Variants in ACTBL2 observed in about 807,000 individuals in gnomAD.
The protein encoded by ACTBL2 is beta-actin-like protein 2.
A neutral mutation model predicts 23.2 loss-of-function variants in ACTBL2; 29 were observed. That is an observed-to-expected ratio of 1.25 (90% CI 0.93 to 1.71). The LOEUF (loss-of-function observed/expected upper bound fraction) is 1.71, where lower values mean the gene tolerates loss of function less well. Ranked by LOEUF, ACTBL2 falls within the 40% of genes most tolerant of loss-of-function variation. ACTBL2 has a pLI of 0.00. For synonymous variants in ACTBL2, 173 were observed against 182.1 expected (o/e 0.95, Z 0.40); for missense variants, 524 against 486.2 (o/e 1.08, Z -0.73).
chr5:57,482,426 C>T lies in ACTBL2; in HGVS notation c.282G>A (p.Glu94=), dbSNP rs1280670271. ...EKIWYHTFYN[E]LRVAPDEHPI... ...GATGCTCATCTGGTGCCACACGGAG[C>T]TCATTGTAGAATGTGTGGTACCAGA... The change falls in exon 1 of 1, where the codon GAG becomes GAA. Residue 94 remains glutamate, a synonymous_variant. Transcript: ENST00000423391. 1 of 1,613,986 alleles carries T rather than the reference C, an allele frequency of 6.2e-7. No homozygotes were observed. The highest frequency in any genetic ancestry group is 8.5e-7 in the Non-Finnish European group (1 of 1,180,032).
At position 57,481,597 on chromosome 5, in the gene ACTBL2, C is replaced by G. The variant is rs562161532; in HGVS notation, c.1111G>C (p.Val371Leu). ...CCCATTCAGAAACATTTTCTGTGAACGATAGGAGGACCAGCCTCATCATAT... is the reference window on the plus strand; with the variant it reads ...CCCATTCAGAAACATTTTCTGTGAAGGATAGGAGGACCAGCCTCATCATAT... ...QEYDEAGPPIVHRKCF is the reference protein window; with the variant it reads ...QEYDEAGPPILHRKCF Residue 371 changes from valine (V) to leucine (L), a missense_variant, in exon 1 of 1, where the codon GTT (valine) becomes CTT (leucine). Transcript: ENST00000423391. 15 of 1,612,408 alleles carry G rather than the reference C, an allele frequency of 9.3e-6. No homozygotes were observed. In the African/African-American group the frequency reaches 1.6e-4, roughly 17 times the overall value.
chr5:57,481,799 C>G lies in ACTBL2; in HGVS notation c.909G>C (p.Gly303=), dbSNP rs913549772. The part of the protein sequence containing the change: ...DLYANTVLSG[G]STMYPGIADR... Reference sequence around the variant, plus strand: ...CAGCAATGCCTGGGTACATGGTGCTCCCTCCAGATAACACGGTGTTGGCAT... The same window carrying G: ...CAGCAATGCCTGGGTACATGGTGCTGCCTCCAGATAACACGGTGTTGGCAT... The change falls in exon 1 of 1, where the codon GGG becomes GGC. Residue 303 remains glycine (G), a synonymous_variant. Coordinates refer to ENST00000423391, the MANE Select transcript of ACTBL2 (RefSeq NM_001017992.4). The G allele has an allele frequency of 5.0e-6, 8 of 1,613,918 alleles. No individual in the cohort carries two copies. Among genetic ancestry groups the G allele is most frequent in the Non-Finnish European group, 6.8e-6 (8 of 1,180,022 alleles).
In ACTBL2 at chr5:57,482,408, A is replaced by G. The variant is rs147178651; in HGVS notation, c.300T>C (p.Asp100=). The part of the protein sequence containing the change: ...TFYNELRVAP[D]EHPILLTEAP... ...CCTCGGTGAGGAGGATGGGATGCTCATCTGGTGCCACACGGAGCTCATTGT... is the reference window on the plus strand; with the variant it reads ...CCTCGGTGAGGAGGATGGGATGCTCGTCTGGTGCCACACGGAGCTCATTGT... The change falls in exon 1 of 1, where the codon GAT becomes GAC. Residue 100 remains aspartate, a synonymous_variant. Transcript: ENST00000423391. The G allele has an allele frequency of 6.8e-6, 11 of 1,614,104 alleles. No homozygotes were observed. The highest frequency in any genetic ancestry group is 1.6e-4 in the Middle Eastern group (1 of 6,062).
In ACTBL2 at chr5:57,481,508, G is replaced by A. The variant is rs1745152397; in HGVS notation, c.*69C>T. 2 of 1,527,984 alleles carry A rather than the reference G, an allele frequency of 1.3e-6. No homozygotes were observed. The highest frequency in any genetic ancestry group is 4.5e-5 in the East Asian group (2 of 44,234). 94.7% of individuals were successfully genotyped at this position (1,527,984 alleles called of 1,614,324 possible). Reference sequence around the variant, plus strand: ...ATTTACCTCGATTCTACTGAAAGCGGATAAAAGCAGTACCATCACTGTGAC... The same window carrying A: ...ATTTACCTCGATTCTACTGAAAGCGAATAAAAGCAGTACCATCACTGTGAC... On this transcript the variant is annotated 3_prime_UTR_variant, in exon 1 of 1. Coordinates refer to ENST00000423391, the MANE Select transcript of ACTBL2 (RefSeq NM_001017992.4).
In ACTBL2 at chr5:57,482,105, G is replaced by A; in HGVS notation, c.603C>T (p.Phe201=). The change falls in exon 1 of 1, where the codon TTC becomes TTT. Residue 201 remains phenylalanine, a synonymous_variant. Transcript: ENST00000423391. Reference sequence around the variant, plus strand: ...CAATCTCCCGCTCAGCAGTGGTGGTGAAGTTATAGCCTCGCTCTGTCAGGA... The same window carrying A: ...CAATCTCCCGCTCAGCAGTGGTGGTAAAGTTATAGCCTCGCTCTGTCAGGA... The part of the protein sequence containing the change: ...MKILTERGYN[F]TTTAEREIVR... The A allele has an allele frequency of 6.2e-7, 1 of 1,614,128 alleles. No homozygotes were observed. Among genetic ancestry groups the A allele is most frequent in the Non-Finnish European group, 8.5e-7 (1 of 1,180,032 alleles).
chr5:57,482,202 C>G lies in ACTBL2; in HGVS notation c.506G>C (p.Gly169Ala). 6.2e-7 allele frequency: 1 copy of G among 1,614,132 alleles called. No homozygotes were observed. The highest frequency in any genetic ancestry group is 8.5e-7 in the Non-Finnish European group (1 of 1,180,034). ...TAGAATGGCATGAGGCAGGGCATAACCTTCATAGATGGGCACGATGTGAGT... is the reference window on the plus strand; with the variant it reads ...TAGAATGGCATGAGGCAGGGCATAAGCTTCATAGATGGGCACGATGTGAGT... ...GVTHIVPIYE[G>A]YALPHAILRL... Residue 169 changes from glycine to alanine, a missense_variant, in exon 1 of 1, where the codon GGT becomes GCT. By Grantham distance (60) the Gly-to-Ala change is moderately conservative. Coordinates refer to ENST00000423391, the MANE Select transcript of ACTBL2 (RefSeq NM_001017992.4).
Position 57,482,379 on chromosome 5 carries a change from G to A in ACTBL2, c.329C>T (p.Pro110Leu). Reference sequence around the variant, plus strand: ...TTCCCGGTTGATCTTGGGGTTCAGGGGTGCCTCGGTGAGGAGGATGGGATG... The same window carrying A: ...TTCCCGGTTGATCTTGGGGTTCAGGAGTGCCTCGGTGAGGAGGATGGGATG... The part of the protein sequence containing the change: ...DEHPILLTEA[P>L]LNPKINREKM... Residue 110 changes from proline (P) to leucine (L), a missense_variant, in exon 1 of 1, where the codon CCC (proline) becomes CTC (leucine). By Grantham distance (98) the Pro-to-Leu change is moderately conservative (BLOSUM62 -3). Coordinates refer to ENST00000423391, the MANE Select transcript of ACTBL2 (RefSeq NM_001017992.4). The A allele has an allele frequency of 1.9e-6, 3 of 1,613,986 alleles. No homozygotes were observed. In the South Asian group the frequency reaches 3.3e-5, roughly 18 times the overall value.
At position 57,480,765 on chromosome 5, in the gene ACTBL2, ATAT is replaced by A. The variant is rs1333600022; in HGVS notation, c.*809_*811del. The stretch of plus-strand genomic sequence containing the variant: ...ATTGTACCATAATGACATTAATTTG[ATAT>A]TATAATATCTATCTCTCTTAAGAAT... On this transcript the variant is annotated 3_prime_UTR_variant, in exon 1 of 1. Transcript: ENST00000423391. 3 of 152,316 alleles carry A rather than the reference ATAT, an allele frequency of 2.0e-5. No individual in the cohort carries two copies. In the East Asian group the frequency reaches 5.8e-4, roughly 29 times the overall value. The allele number at this position is 152,316 out of a possible 1,614,324, so 9.4% of individuals were successfully genotyped here.
rs764018247 is a variant in ACTBL2, at chr5:57,481,620, T to C, written c.1088A>G (p.Tyr363Cys). 6.2e-7 allele frequency: 1 copy of C among 1,613,966 alleles called. No individual in the cohort carries two copies. Among genetic ancestry groups the C allele is most frequent in the East Asian group, 2.2e-5 (1 of 44,880 alleles). ...AACGATAGGAGGACCAGCCTCATCA[T>C]ATTCCTGCTTACTGATCCACATCTG... ...FQQMWISKQE[Y>C]DEAGPPIVHR... The change falls in exon 1 of 1, where the codon TAT becomes TGT. Residue 363 changes from tyrosine to cysteine, a missense_variant. Physicochemically the swap from Tyr to Cys is radical, Grantham distance 194 (BLOSUM62 -2). Coordinates refer to ENST00000423391, the MANE Select transcript of ACTBL2 (RefSeq NM_001017992.4).
rs1745173422 is a variant in ACTBL2 at position 57,482,099 on chromosome 5, G to A, written c.609C>T (p.Thr203=). 1.9e-6 allele frequency: 3 copies of A among 1,614,124 alleles called. No individual in the cohort carries two copies. The highest frequency in any genetic ancestry group is 2.5e-6 in the Non-Finnish European group (3 of 1,180,026). The change falls in exon 1 of 1, where the codon ACC becomes ACT. Residue 203 remains threonine, a synonymous_variant. Coordinates refer to ENST00000423391, the MANE Select transcript of ACTBL2 (RefSeq NM_001017992.4). ...ILTERGYNFT[T]TAEREIVRDV... Reference sequence around the variant, plus strand: ...CTCGCACAATCTCCCGCTCAGCAGTGGTGGTGAAGTTATAGCCTCGCTCTG... The same window carrying A: ...CTCGCACAATCTCCCGCTCAGCAGTAGTGGTGAAGTTATAGCCTCGCTCTG...
chr5:57,482,333 G>C lies in ACTBL2; in HGVS notation c.375C>G (p.Phe125Leu), dbSNP rs1428802284. Residue 125 changes from phenylalanine to leucine, a missense_variant, in exon 1 of 1, where the codon TTC becomes TTG. By Grantham distance (22) the Phe-to-Leu change is conservative (BLOSUM62 0). Transcript: ENST00000423391. ...ACATGGCTGGTGTGTTGAAAGCCTCGAACATGATCTGAGTCATCTTTTCCC... is the reference window on the plus strand; with the variant it reads ...ACATGGCTGGTGTGTTGAAAGCCTCCAACATGATCTGAGTCATCTTTTCCC... ...INREKMTQIM[F>L]EAFNTPAMYV... 1.9e-6 allele frequency: 3 copies of C among 1,614,022 alleles called. 1 individual carries two copies. In the South Asian group the frequency reaches 3.3e-5, roughly 18 times the overall value.
In ACTBL2 at chr5:57,482,439, G is replaced by C. The variant is rs139117678; in HGVS notation, c.269C>G (p.Thr90Arg). ...WDDMEKIWYH[T>R]FYNELRVAPD... is the part of the protein sequence containing the mutation. ...TGCCACACGGAGCTCATTGTAGAAT[G>C]TGTGGTACCAGATCTTTTCCATATC... The change falls in exon 1 of 1, where the codon ACA (threonine) becomes AGA (arginine). Residue 90 changes from threonine to arginine, a missense_variant. Coordinates refer to ENST00000423391, the MANE Select transcript of ACTBL2 (RefSeq NM_001017992.4). 6.2e-7 allele frequency: 1 copy of C among 1,614,138 alleles called. No homozygotes were observed. Among genetic ancestry groups the C allele is most frequent in the African/African-American group, 1.3e-5 (1 of 75,048 alleles).
rs200238833 is a variant in ACTBL2 at position 57,482,522 on chromosome 5, C to T, written c.186G>A (p.Lys62=). ...DCYVGDEAQS[K]RGVLTLKYPI... ...GATACTTCAGGGTCAGGACGCCTCT[C>T]TTGCTCTGAGCCTCATCTCCCACGT... is the stretch of plus-strand genomic sequence containing the variant. The change falls in exon 1 of 1, where the codon AAG becomes AAA. Residue 62 remains lysine (K), a synonymous_variant. Transcript: ENST00000423391. 1.5e-5 allele frequency: 24 copies of T among 1,614,108 alleles called. No homozygotes were observed. Among genetic ancestry groups the T allele is most frequent in the Admixed American group, 8.3e-5 (5 of 60,028 alleles).
Position 57,480,399 on chromosome 5 carries a change from T to A in ACTBL2, c.*1178A>T, listed in dbSNP as rs923257332. On this transcript the variant is annotated 3_prime_UTR_variant, in exon 1 of 1. Transcript: ENST00000423391. ...AGATTGGAATAAACATACTGGTACTTAAAATTGGTTAATAAATCATCACTG... is the reference window on the plus strand; with the variant it reads ...AGATTGGAATAAACATACTGGTACTAAAAATTGGTTAATAAATCATCACTG... The A allele has an allele frequency of 6.6e-6, 1 of 152,100 alleles. No homozygotes were observed. Among genetic ancestry groups the A allele is most frequent in the Non-Finnish European group, 1.5e-5 (1 of 67,936 alleles). 9.4% of individuals were successfully genotyped at this position (152,100 alleles called of 1,614,324 possible).
chr5:57,482,453 C>A lies in ACTBL2; in HGVS notation c.255G>T (p.Lys85Asn), dbSNP rs1247460968. The A allele has an allele frequency of 1.2e-6, 2 of 1,614,106 alleles. No homozygotes were observed. Among genetic ancestry groups the A allele is most frequent in the Non-Finnish European group, 1.7e-6 (2 of 1,180,018 alleles). Residue 85 changes from lysine (K) to asparagine (N), a missense_variant, in exon 1 of 1, where the codon AAG becomes AAT. By Grantham distance (94) the Lys-to-Asn change is moderately conservative. Coordinates refer to ENST00000423391, the MANE Select transcript of ACTBL2 (RefSeq NM_001017992.4). ...CATTGTAGAATGTGTGGTACCAGATCTTTTCCATATCGTCCCAGTTGGTGA... is the reference window on the plus strand; with the variant it reads ...CATTGTAGAATGTGTGGTACCAGATATTTTCCATATCGTCCCAGTTGGTGA... ...GVVTNWDDME[K>N]IWYHTFYNEL...
In ACTBL2 at chr5:57,482,119, G is replaced by T. The variant is rs1358229735; in HGVS notation, c.589C>A (p.Arg197=). 2 of 1,614,038 alleles carry T rather than the reference G, an allele frequency of 1.2e-6. No homozygotes were observed. The highest frequency in any genetic ancestry group is 1.7e-6 in the Non-Finnish European group (2 of 1,180,014). Residue 197 remains arginine (R), a synonymous_variant, in exon 1 of 1, where the codon CGA becomes AGA. Coordinates refer to ENST00000423391, the MANE Select transcript of ACTBL2 (RefSeq NM_001017992.4). ...GCAGTGGTGGTGAAGTTATAGCCTC[G>T]CTCTGTCAGGATCTTCATGAGGTAA... ...TDYLMKILTE[R]GYNFTTTAER...
Position 57,480,781 on chromosome 5 carries a change from C to G in ACTBL2, c.*796G>C, listed in dbSNP as rs931890144. 1.3e-5 allele frequency: 2 copies of G among 152,082 alleles called. No individual in the cohort carries two copies. The highest frequency in any genetic ancestry group is 2.9e-5 in the Non-Finnish European group (2 of 67,982). 9.4% of individuals were successfully genotyped at this position (152,082 alleles called of 1,614,324 possible). A position where few individuals can be genotyped will look rare whatever the true frequency, so the allele number is the denominator to read the frequency against. On this transcript the variant is annotated 3_prime_UTR_variant, in exon 1 of 1. Coordinates refer to ENST00000423391, the MANE Select transcript of ACTBL2 (RefSeq NM_001017992.4). ...ATTAATTTGATATTATAATATCTAT[C>G]TCTCTTAAGAATTAGACATTGTCTG...
Position 57,481,954 on chromosome 5 carries a change from C to T in ACTBL2, c.754G>A (p.Gly252Arg). ...TCAGGGCATCGGAAGCGTTCATTCC[C>T]AATGGTGATCACCTGCCCATCAGGA... ...ELPDGQVITI[G>R]NERFRCPEAI... Residue 252 changes from glycine to arginine, a missense_variant, in exon 1 of 1, where the codon GGG (glycine) becomes AGG (arginine). Gly to Arg is a moderately radical substitution (Grantham distance 125). Transcript: ENST00000423391. 3 of 1,614,108 alleles carry T rather than the reference C, an allele frequency of 1.9e-6. No individual in the cohort carries two copies. Among genetic ancestry groups the T allele is most frequent in the Non-Finnish European group, 2.5e-6 (3 of 1,180,024 alleles).
chr5:57,482,467 C>G lies in ACTBL2; in HGVS notation c.241G>C (p.Asp81His), dbSNP rs762848446. 1 of 1,614,128 alleles carries G rather than the reference C, an allele frequency of 6.2e-7. No individual in the cohort carries two copies. The highest frequency in any genetic ancestry group is 1.1e-5 in the South Asian group (1 of 91,038). Residue 81 changes from aspartate (D) to histidine (H), a missense_variant, in exon 1 of 1, where the codon GAC becomes CAC. Physicochemically the swap from Asp to His is moderately conservative, Grantham distance 81. Transcript: ENST00000423391. ...TGGTACCAGATCTTTTCCATATCGT[C>G]CCAGTTGGTGACCACTCCATGCTCG... ...PIEHGVVTNW[D>H]DMEKIWYHTF...
Sources: gnomAD v4.1 joint callset for allele counts on GRCh38, gnomAD v4.1.1 for gene constraint, MANE v1.5 for transcripts, NCBI Gene and HGNC (gene_info 2026-07-23, HGNC 2026-07-21) for gene names.